The following CEP95 variants were observed in gnomAD, a reference collection of about 807,000 sequenced individuals.
CEP95 encodes centrosomal protein 95, also known as centrosomal protein of 95 kDa.
Under a neutral mutation model 111.2 loss-of-function variants are expected in CEP95, and 98 were observed. The ratio of observed to expected loss-of-function variants is 0.88; its 90% CI spans 0.75 to 1.04. CEP95 has a LOEUF of 1.04. CEP95 is among the 50% of genes least tolerant of loss of function. The pLI is 0.00. For synonymous variants in CEP95, 323 were observed against 327.1 expected, an observed-to-expected ratio of 0.99 and a Z score of 0.14; for missense variants, 1,027 against 977.2, an observed-to-expected ratio of 1.05 and a Z score of -0.68.
intron 5 of CEP95, among the ~76,000 whole-genome samples, chr17:64,517,776 C>T (rs1345721299): frequency 1.3e-5 from 2 of 151,280 alleles, no homozygotes; most frequent in African/African-American, 4.9e-5. Context: ...TCAAGCGATC[C>T]TCCTGCTGCA....
chr17:64,508,400 A>T, intron 1 of CEP95, 192 bp from the exon 2 acceptor site: 1 of 984,334 alleles, frequency 1.0e-6, no homozygotes, highest in Non-Finnish European at 1.2e-6. Context: ...AAATCATCCC[A>T]AGAAATTAAA....
chr17:64,508,602 C>T lies in CEP95; in HGVS notation c.30C>T (p.Thr10=), dbSNP rs781945272. 1 of 1,408,548 alleles carries T rather than the reference C, an allele frequency of 7.1e-7. No individual in the cohort carries two copies. Among genetic ancestry groups the T allele is most frequent in the South Asian group, 1.8e-5 (1 of 54,972 alleles). The allele number at this position is 1,408,548 out of a possible 1,614,324, so 87.3% of individuals were successfully genotyped here. The change falls in exon 2 of 20, where the codon ACC becomes ACT. Residue 10 remains threonine (T), a synonymous_variant. Coordinates refer to ENST00000556440, the MANE Select transcript of CEP95 (RefSeq NM_138363.3). ...CCTTTTTCCCAACAGAGTGGGTAAC[C>T]ATTGCCAATAACCTTCTTTTTAAGT... is the stretch of plus-strand genomic sequence containing the variant. The part of the protein sequence containing the change: MAGSDAEWV[T]IANNLLFKCH...
intron 8 of CEP95, 71 bp from the exon 9 acceptor site, chr17:64,525,699 C>T (rs1555678918): frequency 3.1e-6 from 3 of 962,164 alleles, no homozygotes; most frequent in Admixed American, 2.4e-5. Flanking sequence ...TTCCTCCCTT[C>T]CTCACTCCCA....
chr17:64,514,189 T>C (rs1211098993), intron 3 of CEP95, 59 bp from the exon 4 acceptor site: 1 of 692,838 alleles, frequency 1.4e-6, no homozygotes, highest in Admixed American at 2.4e-5. Context: ...AGTTTCAAGA[T>C]TATGAAGCTT....
intron 2 of CEP95, among the ~76,000 whole-genome samples, chr17:64,509,634 A>C (rs998260269): frequency 6.6e-5 from 10 of 152,242 alleles, no homozygotes; most frequent in Admixed American, 3.9e-4. Flanking sequence ...GTAGTGAGCC[A>C]AGATCACGCC....
At chr17:64,523,409 T>C (rs1055236824) in intron 8 of CEP95, among the ~76,000 whole-genome samples, 1 of 152,040 alleles carries the variant, frequency 6.6e-6, no homozygotes. Context: ...AATTTCAAAT[T>C]TAGAAAACAC....
At chr17:64,532,440 G>T in intron 14 of CEP95, 1 of 985,398 alleles carries the variant, frequency 1.0e-6, no homozygotes, top group South Asian at 4.7e-5. Flanking sequence ...CATGAGAAAT[G>T]CCAGGCTTCC....
intron 12 of CEP95, 71 bp from the exon 13 acceptor site, chr17:64,530,855 C>T: frequency 1.2e-6 from 1 of 827,654 alleles, no homozygotes; most frequent in Non-Finnish European, 1.8e-6. Context: ...GGTGCTTTAA[C>T]CAGCTAAGCC....
chr17:64,525,628 G>C, intron 8 of CEP95, 142 bp from the exon 9 acceptor site: 3 of 557,670 alleles, frequency 5.4e-6, no homozygotes, highest in Non-Finnish European at 9.4e-6. Flanking sequence ...GTGTCAATAG[G>C]GTCTTTTGAC....
At chr17:64,515,811 T>C (rs886887488) in intron 4 of CEP95, 12 of 152,238 alleles carry the variant, frequency 7.9e-5, no homozygotes, top group Admixed American at 6.5e-5. Context: ...CAAATCTTTA[T>C]TATCACTAAT....
rs1598235655 is a variant in CEP95, at chr17:64,529,491, C to T, written c.1446+64C>T. On this transcript the variant is annotated intron_variant, in intron 12 of 19. Transcript: ENST00000556440. ...AGTACCATTTCCCCTCAGCCAGATG[C>T]TACCATGAACATGCTGTTGATTTAG... 3.3e-6 allele frequency: 5 copies of T among 1,511,302 alleles called. No individual in the cohort carries two copies. In the African/African-American group the frequency reaches 5.5e-5, roughly 17 times the overall value. 93.6% of individuals were successfully genotyped at this position (1,511,302 alleles called of 1,614,324 possible). A position where few individuals can be genotyped will look rare whatever the true frequency, so the allele number is the denominator to read the frequency against.
chr17:64,507,387 G>C, intron 1 of CEP95: 1 of 1,395,426 alleles, frequency 7.2e-7, no homozygotes, highest in Middle Eastern at 2.6e-4. Flanking sequence ...AGAGCGGTCA[G>C]AAGGGTCGTC....
At chr17:64,529,643 G>C (rs371724255) in intron 12 of CEP95, among the ~76,000 whole-genome samples, 10 of 152,324 alleles carry the variant, frequency 6.6e-5, no homozygotes, top group African/African-American at 2.4e-4. Flanking sequence ...GCTGGACATA[G>C]CTTGGTGTTC....
At chr17:64,512,419 A>G (rs1226867541) in intron 3 of CEP95, among the ~76,000 whole-genome samples, 1 of 152,224 alleles carries the variant, frequency 6.6e-6, no homozygotes, top group Non-Finnish European at 1.5e-5. Flanking sequence ...AATCTCCAAA[A>G]TAAAGTATAC....
intron 11 of CEP95, among the ~76,000 whole-genome samples, chr17:64,527,564 T>TAA (rs1967915984): frequency 6.6e-6 from 1 of 152,192 alleles, no homozygotes; most frequent in African/African-American, 2.4e-5. Context: ...TCTTTTCTTC[T>TAA]GATCCTTGTT....
At chr17:64,525,291 A>G (rs1323788822) in intron 8 of CEP95, among the ~76,000 whole-genome samples, 2 of 151,992 alleles carry the variant, frequency 1.3e-5, no homozygotes, top group African/African-American at 2.4e-5. Context: ...AAGCCATTGC[A>G]CTCCAGCCTA....
intron 10 of CEP95, 77 bp downstream of exon 10, chr17:64,526,277 G>A (rs1434965468): frequency 7.2e-7 from 1 of 1,386,998 alleles, no homozygotes; most frequent in Admixed American, 2.4e-5. Flanking sequence ...AATTGAAAGT[G>A]AGGTATTAGA....
intron 3 of CEP95, among the ~76,000 whole-genome samples, chr17:64,512,757 A>AATGG (rs528271891): frequency 1.5e-3 from 232 of 152,334 alleles, no homozygotes; most frequent in African/African-American, 5.3e-3. Flanking sequence ...TAGGTGAGTG[A>AATGG]ATGGGTAAAT....
At chr17:64,508,170 C>T in intron 1 of CEP95, 2 of 985,376 alleles carry the variant, frequency 2.0e-6, no homozygotes, top group South Asian at 4.7e-5. Flanking sequence ...AAGACCAATA[C>T]TATTGCAAGT....
Sources: allele counts gnomAD v4.1 joint callset (sites outside exome capture counted in the v4.1 genomes callset), GRCh38; gene constraint gnomAD v4.1.1; transcripts MANE v1.5; gene names NCBI Gene and HGNC (gene_info 2026-07-23, HGNC 2026-07-21).